The following SLC35G2 variants were observed in gnomAD, a reference collection of about 807,000 sequenced individuals.
The protein encoded by SLC35G2 is transmembrane protein 22.
A neutral mutation model predicts 27.2 loss-of-function variants in SLC35G2; 20 were observed. The ratio of observed to expected loss-of-function variants is 0.74; its 90% CI spans 0.52 to 1.07. SLC35G2 has a LOEUF of 1.07. SLC35G2 is among the 50% of genes least tolerant of loss of function. SLC35G2 has a pLI of 0.00. For synonymous variants in SLC35G2, 148 were observed against 165.3 expected, an observed-to-expected ratio of 0.90 and a Z score of 0.80; for missense variants, 416 against 493.3, an observed-to-expected ratio of 0.84 and a Z score of 1.48.
intron 1 of SLC35G2, among the ~76,000 whole-genome samples, chr3:136,841,123 C>G (rs1001436551): frequency 6.6e-6 from 1 of 151,842 alleles, no homozygotes; most frequent in African/African-American, 2.4e-5. Context: ...ACCACCATGC[C>G]CCACCCCTCC....
chr3:136,824,757 A>C (rs193061944), intron 1 of SLC35G2, among the ~76,000 whole-genome samples: 2 of 152,218 alleles, frequency 1.3e-5, no homozygotes, highest in East Asian at 3.9e-4. Flanking sequence ...GCTTTTTTAA[A>C]AAAATTATAC....
At chr3:136,845,665 G>A (rs1005749419) in intron 1 of SLC35G2, among the ~76,000 whole-genome samples, 1 of 150,808 alleles carries the variant, frequency 6.6e-6, no homozygotes, top group Middle Eastern at 3.4e-3. Flanking sequence ...GCGCGATCTC[G>A]GCTCACTGCA....
chr3:136,834,714 T>C (rs1316222219), intron 1 of SLC35G2, among the ~76,000 whole-genome samples: 1 of 152,236 alleles, frequency 6.6e-6, no homozygotes, highest in Non-Finnish European at 1.5e-5. Flanking sequence ...GCATTTATTA[T>C]GTGTCTAGCT....
intron 1 of SLC35G2, among the ~76,000 whole-genome samples, chr3:136,826,631 A>C (rs1936592665): frequency 6.6e-6 from 1 of 151,570 alleles, no homozygotes; most frequent in African/African-American, 2.4e-5. Context: ...TTTCATCTCT[A>C]ATTTTATTTT....
At chr3:136,830,295 T>A (rs1466702522) in intron 1 of SLC35G2, among the ~76,000 whole-genome samples, 10 of 150,844 alleles carry the variant, frequency 6.6e-5, no homozygotes, top group South Asian at 4.2e-4. Flanking sequence ...TATTATTATT[T>A]TTTTTGAGAC....
At chr3:136,841,791 C>G (rs1937111342) in intron 1 of SLC35G2, 1 of 151,532 alleles carries the variant, frequency 6.6e-6, no homozygotes, top group African/African-American at 2.4e-5. Context: ...GAGTCCATTC[C>G]CAAGGATCCC....
chr3:136,821,005 C>G (rs1325759074), intron 1 of SLC35G2, among the ~76,000 whole-genome samples: 1 of 151,720 alleles, frequency 6.6e-6, no homozygotes, highest in African/African-American at 2.4e-5. Context: ...TAACATATGA[C>G]TAAAATGTAT....
At chr3:136,830,667 G>A (rs1355689220) in intron 1 of SLC35G2, among the ~76,000 whole-genome samples, 2 of 152,128 alleles carry the variant, frequency 1.3e-5, no homozygotes, top group Admixed American at 6.5e-5. Context: ...GCCCACCTCA[G>A]CCTCCCAAAG....
chr3:136,848,823 A>G (rs1014899614), intron 1 of SLC35G2, among the ~76,000 whole-genome samples: 3 of 152,282 alleles, frequency 2.0e-5, no homozygotes, highest in African/African-American at 7.2e-5. Context: ...AAAATTACCT[A>G]TTGGGTGCAA....
At chr3:136,841,553 A>T (rs947633402) in intron 1 of SLC35G2, among the ~76,000 whole-genome samples, 7 of 151,710 alleles carry the variant, frequency 4.6e-5, no homozygotes, top group Non-Finnish European at 1.0e-4. Context: ...ACATGGAGAA[A>T]CCCCGTCTCT....
chr3:136,851,640 CGT>C (rs1226286092), intron 1 of SLC35G2, among the ~76,000 whole-genome samples: 1 of 151,410 alleles, frequency 6.6e-6, no homozygotes, highest in Non-Finnish European at 1.5e-5. Flanking sequence ...GCAAGGTAGG[CGT>C]GTTGAAGACC....
rs532549213 is a variant in SLC35G2 at position 136,855,401 on chromosome 3, A to T, written c.941A>T (p.Asp314Val). ...CTTCAAGAACCCATCATCCCATTAG[A>T]TGGAGAAACCTGGAGTTATCTCATT... ...FILQEPIIPL[D>V]GETWSYLIAI... The change falls in exon 2 of 2, where the codon GAT becomes GTT. Residue 314 changes from aspartate to valine, a missense_variant. Coordinates refer to ENST00000446465, the MANE Select transcript of SLC35G2 (RefSeq NM_025246.3). 6.2e-7 allele frequency: 1 copy of T among 1,614,190 alleles called. No homozygotes were observed. The highest frequency in any genetic ancestry group is 8.5e-7 in the Non-Finnish European group (1 of 1,180,018).
intron 1 of SLC35G2, among the ~76,000 whole-genome samples, chr3:136,834,258 T>C (rs1560012356): frequency 6.6e-6 from 1 of 152,230 alleles, no homozygotes; most frequent in Non-Finnish European, 1.5e-5. Context: ...AATACTATTT[T>C]AATTTCTTTG....
intron 1 of SLC35G2, among the ~76,000 whole-genome samples, chr3:136,829,743 C>T (rs1231774420): frequency 6.6e-6 from 1 of 152,044 alleles, no homozygotes; most frequent in Admixed American, 6.6e-5. Flanking sequence ...TGTCTTGCCA[C>T]TATCTCCTGG....
chr3:136,844,170 G>A (rs984882818), intron 1 of SLC35G2, among the ~76,000 whole-genome samples: 3 of 151,336 alleles, frequency 2.0e-5, no homozygotes, highest in East Asian at 2.0e-4. Context: ...CCAGCCTGGC[G>A]ACAGAGTGAG....
At chr3:136,839,312 C>T (rs760886860) in intron 1 of SLC35G2, among the ~76,000 whole-genome samples, 1 of 152,226 alleles carries the variant, frequency 6.6e-6, no homozygotes, top group Non-Finnish European at 1.5e-5. Context: ...CCAGCCAACA[C>T]ATTCATCACC....
chr3:136,849,076 G>A (rs891990502), intron 1 of SLC35G2, among the ~76,000 whole-genome samples: 9 of 152,048 alleles, frequency 5.9e-5, no homozygotes, highest in African/African-American at 2.2e-4. Flanking sequence ...CTATTTGGGA[G>A]GCTGAGGCAG....
intron 1 of SLC35G2, among the ~76,000 whole-genome samples, chr3:136,845,084 G>T (rs865981146): frequency 3.9e-5 from 6 of 152,016 alleles, no homozygotes; most frequent in Non-Finnish European, 5.9e-5. Flanking sequence ...ACAATGTATT[G>T]TAAAATGGGG....
chr3:136,855,322 C>G lies in SLC35G2; in HGVS notation c.862C>G (p.Leu288Val), dbSNP rs769821014. 6.8e-6 allele frequency: 11 copies of G among 1,614,058 alleles called. No individual in the cohort carries two copies. Among genetic ancestry groups the G allele is most frequent in the Admixed American group, 3.3e-5 (2 of 60,000 alleles). ...GGAGAAGATCAGCATGTGGACTGCA[C>G]TGTTTACTTTTGGTTGGACTGGGAC... ...IKEKISMWTA[L>V]FTFGWTGTIW... The change falls in exon 2 of 2, where the codon CTG becomes GTG. Residue 288 changes from leucine (L) to valine (V), a missense_variant. Coordinates refer to ENST00000446465, the MANE Select transcript of SLC35G2 (RefSeq NM_025246.3).
Sources: gnomAD v4.1 joint callset for allele counts (sites outside exome capture counted in the v4.1 genomes callset) on GRCh38, gnomAD v4.1.1 for gene constraint, MANE v1.5 for transcripts, NCBI Gene and HGNC (gene_info 2026-07-23, HGNC 2026-07-21) for gene names.